DNAH12: variants seen among roughly 807,000 people sequenced by gnomAD.
DNAH12 encodes dynein axonemal heavy chain 12.
In DNAH12, 285 loss-of-function variants were observed where a neutral mutation model predicts 371.5. The observed-to-expected ratio is 0.77, with a 90% confidence interval of 0.70 to 0.85. The LOEUF (loss-of-function observed/expected upper bound fraction) is 0.85, where lower values mean the gene tolerates loss of function less well. Among genes scored for constraint, DNAH12 ranks in the 40% least tolerant of loss-of-function variants. The pLI, the probability that DNAH12 is intolerant of heterozygous loss-of-function variation, is 0.00. For missense variants in DNAH12, 3,611 were observed against 3,689.4 expected (o/e 0.98, Z 0.55); for synonymous variants, 1,200 against 1,213.0 (o/e 0.99, Z 0.22).
chr3:57,443,171 G>A (rs947517810), intron 29 of DNAH12, among the ~76,000 whole-genome samples: 2 of 152,096 alleles, frequency 1.3e-5, no homozygotes, highest in African/African-American at 4.8e-5. Flanking sequence ...GTGCAATGGC[G>A]CAATCTCGGC....
chr3:57,551,281 TTA>T, the DNAH12 span, among the ~76,000 whole-genome samples: 1 of 151,620 alleles, frequency 6.6e-6, no homozygotes, highest in African/African-American at 2.4e-5. Flanking sequence ...ATTTATTTAT[TTA>T]TTTTTTGAGA....
chr3:57,472,734 A>G lies in DNAH12; in HGVS notation c.1651-63T>C, dbSNP rs143934444. On this transcript the variant is annotated intron_variant, in intron 13 of 73. Coordinates refer to ENST00000495027, the MANE Select transcript of DNAH12 (RefSeq NM_001366028.2). ...AAATCTACATCATTATGAAAAAGAG[A>G]AGAACCAACAACAATCTCTAATACC... is the stretch of plus-strand genomic sequence containing the variant. The G allele has an allele frequency of 1.2e-3, 1,710 of 1,471,712 alleles. 39 individuals are homozygous for G. In the East Asian group the frequency reaches 0.038, roughly 33 times the overall value. The allele number at this position is 1,471,712 out of a possible 1,614,324, so 91.2% of individuals were successfully genotyped here.
At chr3:57,514,900 AT>A (rs1320265371) in intron 4 of DNAH12, among the ~76,000 whole-genome samples, 1 of 152,232 alleles carries the variant, frequency 6.6e-6, no homozygotes, top group Admixed American at 6.5e-5. Context: ...ATAGGTGAAT[AT>A]TAAACTATGG....
intron 68 of DNAH12, 134 bp downstream of exon 68, chr3:57,309,532 G>C: frequency 1.1e-6 from 1 of 886,600 alleles, no homozygotes. Context: ...CCATTTAACG[G>C]ATTTGGAGGC....
chr3:57,414,919 A>G (rs2064317650), intron 38 of DNAH12, among the ~76,000 whole-genome samples: 1 of 152,200 alleles, frequency 6.6e-6, no homozygotes, highest in African/African-American at 2.4e-5. Context: ...AAACAGTTTC[A>G]TGAAATGTGT....
intron 44 of DNAH12, among the ~76,000 whole-genome samples, chr3:57,393,520 G>C (rs2153347889): frequency 6.6e-6 from 1 of 151,286 alleles, no homozygotes; most frequent in African/African-American, 2.4e-5. Context: ...CAGCTACTTG[G>C]GAGGCTGAGG....
intron 58 of DNAH12, among the ~76,000 whole-genome samples, chr3:57,360,930 C>G (rs2062913382): frequency 6.6e-6 from 1 of 152,126 alleles, no homozygotes; most frequent in South Asian, 2.1e-4. Context: ...ATTGTGTAAA[C>G]TTGGGCCTTA....
intron 36 of DNAH12, among the ~76,000 whole-genome samples, chr3:57,421,098 G>C (rs143142549): frequency 0.024 from 3,605 of 152,030 alleles, 68 homozygotes; most frequent in Admixed American, 0.035. Flanking sequence ...TGTCAGTCAG[G>C]AGAACTTGAG....
intron 60 of DNAH12, among the ~76,000 whole-genome samples, chr3:57,337,110 C>A (rs1433890324): frequency 6.6e-6 from 1 of 151,960 alleles, no homozygotes; most frequent in Non-Finnish European, 1.5e-5. Flanking sequence ...ATATTTACAT[C>A]AGAAAAAAAC....
chr3:57,380,241 A>G (rs1402379119), intron 51 of DNAH12, 37 bp downstream of exon 51: 1 of 152,134 alleles, frequency 6.6e-6, no homozygotes, highest in African/African-American at 2.4e-5. Context: ...CATTTTAGCC[A>G]AGTCACATTT....
chr3:57,380,778 T>G (rs1249473886), intron 50 of DNAH12, among the ~76,000 whole-genome samples: 2 of 152,182 alleles, frequency 1.3e-5, no homozygotes, highest in East Asian at 3.8e-4. Context: ...TCACATACTT[T>G]CAAAATATCA....
intron 2 of DNAH12, among the ~76,000 whole-genome samples, chr3:57,539,205 T>C (rs556818028): frequency 6.6e-6 from 1 of 152,348 alleles, no homozygotes; most frequent in African/African-American, 2.4e-5. Flanking sequence ...GCCAGAGTGA[T>C]ATCTTTTAAA....
intron 67 of DNAH12, 135 bp downstream of exon 67, chr3:57,310,582 A>T: frequency 1.4e-6 from 1 of 693,196 alleles, no homozygotes; most frequent in Non-Finnish European, 2.4e-6. Flanking sequence ...TTCAGTAATT[A>T]CTAGAAAAAG....
chr3:57,535,668 G>A (rs372583558), intron 2 of DNAH12, among the ~76,000 whole-genome samples: 433 of 151,932 alleles, frequency 2.8e-3, no homozygotes, highest in Non-Finnish European at 4.0e-3. Flanking sequence ...TCAGCCTCCC[G>A]AGTAGCTGGG....
chr3:57,337,462 C>T (rs9876799), intron 60 of DNAH12, among the ~76,000 whole-genome samples: 10,925 of 152,152 alleles, frequency 0.072, 1,284 homozygotes, highest in African/African-American at 0.25. Context: ...GAGTTCAGGA[C>T]CAGCCTGACC....
intron 35 of DNAH12, among the ~76,000 whole-genome samples, chr3:57,424,725 T>C (rs7622509): frequency 0.56 from 82,842 of 148,808 alleles, 24,349 homozygotes; most frequent in African/African-American, 0.76. Context: ...GTGGAGGTTG[T>C]ATTAAGCTGA....
At chr3:57,463,980 G>A (rs2066128811) in intron 17 of DNAH12, among the ~76,000 whole-genome samples, 1 of 151,960 alleles carries the variant, frequency 6.6e-6, no homozygotes, top group African/African-American at 2.4e-5. Flanking sequence ...TGAGCAGACA[G>A]TAAGAGAATC....
chr3:57,353,970 C>T lies in DNAH12; in HGVS notation c.9534-1745G>A, dbSNP rs1032780100. On this transcript the variant is annotated intron_variant, in intron 59 of 73. Coordinates refer to ENST00000495027, the MANE Select transcript of DNAH12 (RefSeq NM_001366028.2). ...ACCGTGGAAAGCAGTTTGGAGATTTCTCAAAGAACTTAAAACAGAACTACC... is the reference window on the plus strand; with the variant it reads ...ACCGTGGAAAGCAGTTTGGAGATTTTTCAAAGAACTTAAAACAGAACTACC... Among the ~76,000 whole-genome samples, 1,032 of 152,262 alleles carry T rather than the reference C, an allele frequency of 6.8e-3. 11 individuals are homozygous for T. The highest frequency in any genetic ancestry group is 7.4e-3 in the Non-Finnish European group (506 of 68,016).
At chr3:57,526,700 A>G (rs992195842) in intron 2 of DNAH12, among the ~76,000 whole-genome samples, 1 of 151,570 alleles carries the variant, frequency 6.6e-6, no homozygotes, top group Non-Finnish European at 1.5e-5. Context: ...TAATTTTTGT[A>G]TTTTTAGTAG....
Sources: gnomAD v4.1 joint callset for allele counts (sites outside exome capture counted in the v4.1 genomes callset) on GRCh38, gnomAD v4.1.1 for gene constraint, MANE v1.5 for transcripts, NCBI Gene and HGNC (gene_info 2026-07-23, HGNC 2026-07-21) for gene names.